MICU2: variants seen among roughly 807,000 people sequenced by gnomAD.
MICU2 encodes the protein calcium uptake protein 2, mitochondrial.
Under a neutral mutation model 60.4 loss-of-function variants are expected in MICU2, and 64 were observed. That is an observed-to-expected ratio of 1.06 (90% confidence interval 0.87 to 1.31). The LOEUF (loss-of-function observed/expected upper bound fraction) is 1.31. Ranked by LOEUF, MICU2 falls within the 50% of genes most tolerant of loss-of-function variation. The probability of loss-of-function intolerance (pLI) is 0.00; values close to 1 mark genes in which losing one functional copy is unlikely to be tolerated. For synonymous variants in MICU2, 201 were observed against 175.0 expected (o/e 1.15, Z -1.17); for missense variants, 569 against 531.0 (o/e 1.07, Z -0.70).
chr13:21,511,912 T>C (rs1886438263), intron 7 of MICU2, among the ~76,000 whole-genome samples: 1 of 152,210 alleles, frequency 6.6e-6, no homozygotes, highest in Non-Finnish European at 1.5e-5. Flanking sequence ...GAGCAGTATT[T>C]CATGGTAATG....
At chr13:21,524,362 T>C (rs867402264) in intron 4 of MICU2, among the ~76,000 whole-genome samples, 2 of 152,100 alleles carry the variant, frequency 1.3e-5, no homozygotes, top group African/African-American at 2.4e-5. Flanking sequence ...CTGGATTATT[T>C]TGAAACAAAA....
At chr13:21,603,836 C>A in intron 1 of MICU2, 103 bp downstream of exon 1, 1 of 1,303,102 alleles carries the variant, frequency 7.7e-7, no homozygotes, top group Non-Finnish European at 1.1e-6. Context: ...CACCTCCACC[C>A]ACGGCTCCGG....
chr13:21,493,196 T>A lies in MICU2; in HGVS notation c.*53A>T. On this transcript the variant is annotated 3_prime_UTR_variant, in exon 12 of 12. Coordinates refer to ENST00000382374, the MANE Select transcript of MICU2 (RefSeq NM_152726.3). Reference sequence around the variant, plus strand: ...ATAAATAGCAAGTACTTCTAAAAAATCACAAATTTTGACATTTGGAACAAT... The same window carrying A: ...ATAAATAGCAAGTACTTCTAAAAAAACACAAATTTTGACATTTGGAACAAT... 4.7e-6 allele frequency: 6 copies of A among 1,273,888 alleles called. No homozygotes were observed. The highest frequency in any genetic ancestry group is 6.5e-6 in the Non-Finnish European group (6 of 917,358). The allele number at this position is 1,273,888 out of a possible 1,614,324, so 78.9% of individuals were successfully genotyped here. A position where few individuals can be genotyped will look rare whatever the true frequency, so the allele number is the denominator to read the frequency against.
intron 4 of MICU2, among the ~76,000 whole-genome samples, chr13:21,538,320 A>G (rs1887184405): frequency 1.3e-5 from 2 of 152,012 alleles, no homozygotes; most frequent in Admixed American, 6.6e-5. Flanking sequence ...CTGTAATCCC[A>G]TTACTTTCAA....
intron 10 of MICU2, chr13:21,495,551 T>C: frequency 2.4e-6 from 1 of 410,772 alleles, no homozygotes; most frequent in East Asian, 3.9e-5. Context: ...TCTAAACATA[T>C]ATTTGAGATG....
chr13:21,583,792 G>A (rs1355276554), intron 1 of MICU2, among the ~76,000 whole-genome samples: 1 of 152,186 alleles, frequency 6.6e-6, no homozygotes, highest in Non-Finnish European at 1.5e-5. Flanking sequence ...TATTGAAAAT[G>A]TGCTGATTTG....
chr13:21,597,092 AAATGTT>A (rs1331492653), intron 1 of MICU2, among the ~76,000 whole-genome samples: 1 of 152,216 alleles, frequency 6.6e-6, no homozygotes, highest in Non-Finnish European at 1.5e-5. Context: ...AGACAAATAT[AAATGTT>A]AATAATATAT....
intron 2 of MICU2, among the ~76,000 whole-genome samples, chr13:21,543,399 C>T (rs1887330151): frequency 6.6e-6 from 1 of 152,090 alleles, no homozygotes; most frequent in South Asian, 2.1e-4. Flanking sequence ...TATTTGCAGA[C>T]AACATGATCT....
chr13:21,544,537 C>CAAAACAAAAAAAAAAAAAAAAAAAAAA (rs1887366413), intron 2 of MICU2, among the ~76,000 whole-genome samples: 1 of 84,460 alleles, frequency 1.2e-5, no homozygotes, highest in Admixed American at 1.1e-4. Context: ...AAAAAAAACT[C>CAAAACAAAAAAAAAAAAAAAAAAAAAA]AATACCACTG....
chr13:21,559,559 C>G (rs180734319), intron 2 of MICU2, among the ~76,000 whole-genome samples: 2 of 148,412 alleles, frequency 1.3e-5, no homozygotes, highest in African/African-American at 5.0e-5. Flanking sequence ...GAGTCTTGCT[C>G]TGTTGCCCAG....
At chr13:21,548,588 A>G (rs1887468722) in intron 2 of MICU2, among the ~76,000 whole-genome samples, 1 of 152,238 alleles carries the variant, frequency 6.6e-6, no homozygotes, top group South Asian at 2.1e-4. Flanking sequence ...TAGATCTGGA[A>G]ACAGGCCAGG....
At chr13:21,535,464 C>G (rs907092944) in intron 4 of MICU2, among the ~76,000 whole-genome samples, 3 of 152,262 alleles carry the variant, frequency 2.0e-5, no homozygotes, top group Admixed American at 1.3e-4. Context: ...ACCTCAAAGC[C>G]ATAGCTCTGA....
At chr13:21,532,211 C>G (rs563368634) in intron 4 of MICU2, among the ~76,000 whole-genome samples, 1 of 152,320 alleles carries the variant, frequency 6.6e-6, no homozygotes, top group East Asian at 1.9e-4. Context: ...ACTGCAATAA[C>G]TTTCTACCTT....
At chr13:21,493,505 GA>G in intron 11 of MICU2, 152 bp from the exon 12 acceptor site, 1 of 559,276 alleles carries the variant, frequency 1.8e-6, no homozygotes, top group Non-Finnish European at 3.0e-6. Flanking sequence ...CAACAGAACT[GA>G]AAATGGGGGT....
chr13:21,554,870 C>T (rs997728352), intron 2 of MICU2, among the ~76,000 whole-genome samples: 5 of 152,040 alleles, frequency 3.3e-5, no homozygotes, highest in African/African-American at 9.7e-5. Context: ...TACAAACTAC[C>T]ATCAGAGAAT....
chr13:21,566,621 A>G (rs1470329552), intron 2 of MICU2, among the ~76,000 whole-genome samples, 176 bp downstream of exon 2: 1 of 152,124 alleles, frequency 6.6e-6, no homozygotes, highest in Non-Finnish European at 1.5e-5. Context: ...CAAAACAACT[A>G]TTTCTAAGAT....
chr13:21,593,571 CAAAA>C (rs71093338), intron 1 of MICU2, among the ~76,000 whole-genome samples: 1 of 63,026 alleles, frequency 1.6e-5, no homozygotes, highest in Non-Finnish European at 2.7e-5. Flanking sequence ...CAATCCTAAG[CAAAA>C]AAAAAAAAAA....
At chr13:21,581,581 G>C (rs1888349341) in intron 1 of MICU2, among the ~76,000 whole-genome samples, 1 of 152,140 alleles carries the variant, frequency 6.6e-6, no homozygotes, top group Admixed American at 6.5e-5. Context: ...AAATGACAAA[G>C]ATGAATGATA....
chr13:21,580,591 A>C (rs1888325987), intron 1 of MICU2, among the ~76,000 whole-genome samples: 2 of 152,114 alleles, frequency 1.3e-5, no homozygotes, highest in South Asian at 4.2e-4. Flanking sequence ...AGTACTCTTA[A>C]ATATTTAAGA....
Sources: gnomAD v4.1 joint callset for allele counts (sites outside exome capture counted in the v4.1 genomes callset) on GRCh38, gnomAD v4.1.1 for gene constraint, MANE v1.5 for transcripts, NCBI Gene and HGNC (gene_info 2026-07-23, HGNC 2026-07-21) for gene names.